SATL1: variants seen among roughly 807,000 people sequenced by gnomAD.
SATL1 encodes the protein spermidine/spermine N1-acetyl transferase like 1.
In SATL1, 47 loss-of-function variants were observed where a neutral mutation model predicts 51.8. The ratio of observed to expected loss-of-function variants is 0.91; its 90% CI spans 0.72 to 1.16. SATL1 has a LOEUF of 1.16. Ranked by LOEUF, SATL1 falls within the 50% of genes most tolerant of loss-of-function variation. The pLI is 0.00. For missense variants in SATL1, 520 were observed against 526.4 expected, an observed-to-expected ratio of 0.99 and a Z score of 0.12; for synonymous variants, 176 against 182.4, an observed-to-expected ratio of 0.97 and a Z score of 0.28.
chrX:85,238,552 T>C (rs748840283), intron 1 of SATL1, among the ~76,000 whole-genome samples: 2 of 111,335 alleles, frequency 1.8e-5, no homozygotes, highest in South Asian at 7.5e-4. Context: ...TGATGGTTAC[T>C]AGAGTCTGGG....
At chrX:85,109,628 T>A (rs1305956172) in intron 2 of SATL1, among the ~76,000 whole-genome samples, 1 of 111,432 alleles carries the variant, frequency 9.0e-6, no homozygotes, top group African/African-American at 3.3e-5. Flanking sequence ...CAATTCCTAT[T>A]TCCGTCCTCA....
intron 2 of SATL1, among the ~76,000 whole-genome samples, chrX:85,135,008 G>T (rs1284898267): frequency 8.9e-6 from 1 of 112,076 alleles, no homozygotes; most frequent in Non-Finnish European, 1.9e-5. Flanking sequence ...AAAAGAACAA[G>T]ATCATGTCCT....
intron 2 of SATL1, among the ~76,000 whole-genome samples, chrX:85,192,687 T>C (rs1174392448): frequency 9.0e-6 from 1 of 111,575 alleles, no homozygotes; most frequent in African/African-American, 3.3e-5. Flanking sequence ...CCCCCCATAG[T>C]GCATACTACA....
chrX:85,131,900 A>C (rs929967524), intron 2 of SATL1, among the ~76,000 whole-genome samples: 4 of 111,046 alleles, frequency 3.6e-5, no homozygotes, highest in Non-Finnish European at 7.5e-5. Flanking sequence ...TTTCTTCTTC[A>C]CTTATGAAGC....
At chrX:85,151,976 T>A (rs1446929989) in intron 2 of SATL1, among the ~76,000 whole-genome samples, 1 of 109,593 alleles carries the variant, frequency 9.1e-6, no homozygotes, top group South Asian at 4.0e-4. Flanking sequence ...GGGATCTAAT[T>A]AAACTAAAGA....
intron 3 of SATL1, among the ~76,000 whole-genome samples, chrX:85,106,418 A>C (rs924702986): frequency 8.9e-6 from 1 of 112,114 alleles, no homozygotes; most frequent in Non-Finnish European, 1.9e-5. Flanking sequence ...ACACTCTCCA[A>C]AGGGAACACA....
intron 2 of SATL1, among the ~76,000 whole-genome samples, chrX:85,189,165 C>T (rs764830376): frequency 2.3e-3 from 261 of 111,828 alleles, no homozygotes; most frequent in African/African-American, 8.0e-3. Flanking sequence ...TTAAAATTTT[C>T]TTCTACCCCT....
At chrX:85,144,971 A>T (rs780099412) in intron 2 of SATL1, among the ~76,000 whole-genome samples, 63 of 110,790 alleles carry the variant, frequency 5.7e-4, no homozygotes, top group Admixed American at 1.4e-3. Flanking sequence ...TGGGAGGTAG[A>T]TGCTGCATGA....
chrX:85,191,715 T>C (rs1189526720), intron 2 of SATL1, among the ~76,000 whole-genome samples: 1 of 111,885 alleles, frequency 8.9e-6, no homozygotes, highest in Admixed American at 9.5e-5. Context: ...ATGTATTTAC[T>C]ATTCATTAAG....
chrX:85,228,618 C>T (rs1173314126), intron 1 of SATL1, among the ~76,000 whole-genome samples: 1 of 111,384 alleles, frequency 9.0e-6, no homozygotes, highest in Non-Finnish European at 1.9e-5. Flanking sequence ...CACCAATGAC[C>T]TCAATGTTGC....
At chrX:85,139,558 C>T (rs1342386271) in intron 2 of SATL1, among the ~76,000 whole-genome samples, 1 of 110,940 alleles carries the variant, frequency 9.0e-6, no homozygotes, top group Admixed American at 9.6e-5. Context: ...CTTTTCTGAG[C>T]AAGAATTCAT....
chrX:85,242,100 CTAGATGTTT>C (rs1419078500), intron 1 of SATL1, among the ~76,000 whole-genome samples: 2 of 111,811 alleles, frequency 1.8e-5, no homozygotes, highest in Non-Finnish European at 3.8e-5. Flanking sequence ...TTTTCATTGA[CTAGATGTTT>C]GGAGAAAGAG....
In SATL1 at chrX:85,136,760, T is replaced by G. The variant is rs1304010641; in HGVS notation, c.-312-27480A>C. Among the ~76,000 whole-genome samples, 13 of 111,904 alleles carry G rather than the reference T, an allele frequency of 1.2e-4. No individual in the cohort carries two copies. The Admixed American group carries it at 1.2e-3, about 11-fold the overall frequency. On this transcript the variant is annotated intron_variant, in intron 2 of 7. Coordinates refer to ENST00000644105, the MANE Select transcript of SATL1 (RefSeq NM_001367857.2). The stretch of plus-strand genomic sequence containing the variant: ...TGGTAGCCCCACAAATATTTTCTTT[T>G]GGGAGCTCATAGCAAATAGTAAAGT...
At chrX:85,121,447 A>C (rs890578583) in intron 2 of SATL1, among the ~76,000 whole-genome samples, 4 of 104,082 alleles carry the variant, frequency 3.8e-5, no homozygotes, top group African/African-American at 6.9e-5. Context: ...TATAGTATAT[A>C]TATAAATATA....
At chrX:85,149,403 C>A (rs1182244200) in intron 2 of SATL1, among the ~76,000 whole-genome samples, 1 of 111,304 alleles carries the variant, frequency 9.0e-6, no homozygotes, top group Non-Finnish European at 1.9e-5. Context: ...TTAGACAGAT[C>A]AATGAGACAG....
intron 1 of SATL1, among the ~76,000 whole-genome samples, chrX:85,239,601 G>C: frequency 9.0e-6 from 1 of 111,526 alleles, no homozygotes; most frequent in Non-Finnish European, 1.9e-5. Flanking sequence ...CTTAATTTTA[G>C]AAGTTACTAT....
chrX:85,229,265 A>C (rs1267256909), intron 1 of SATL1, among the ~76,000 whole-genome samples: 1 of 111,869 alleles, frequency 8.9e-6, no homozygotes, highest in Non-Finnish European at 1.9e-5. Context: ...AATCCTTCTC[A>C]TACTTTCAAA....
intron 2 of SATL1, among the ~76,000 whole-genome samples, chrX:85,162,596 G>T (rs1926747722): frequency 9.0e-6 from 1 of 111,166 alleles, no homozygotes; most frequent in South Asian, 3.8e-4. Flanking sequence ...AGTGGTGAAA[G>T]TGTTTATACT....
chrX:85,241,000 GT>G (rs199815149), intron 1 of SATL1, among the ~76,000 whole-genome samples: 7 of 107,917 alleles, frequency 6.5e-5, no homozygotes, highest in South Asian at 4.0e-4. Context: ...CATCTTATTT[GT>G]TTTTTTTTAT....
Sources: allele counts gnomAD v4.1 joint callset (sites outside exome capture counted in the v4.1 genomes callset), GRCh38; gene constraint gnomAD v4.1.1; transcripts MANE v1.5; gene names NCBI Gene and HGNC (gene_info 2026-07-23, HGNC 2026-07-21).